REV3L: variants seen among roughly 807,000 people sequenced by gnomAD.
REV3L encodes REV3 like, DNA directed polymerase zeta catalytic subunit.
REV3L carries 69 observed loss-of-function variants against 299.4 expected under a neutral mutation model. The ratio of observed to expected loss-of-function variants is 0.23; its 90% CI spans 0.19 to 0.28. The LOEUF is 0.28. Ranked by LOEUF, REV3L falls within the 10% of genes least tolerant of loss-of-function variation. REV3L has a pLI of 1.00. For synonymous variants in REV3L, 1,238 were observed against 1,271.4 expected (o/e 0.97, Z 0.56); for missense variants, 3,128 against 3,693.8 (o/e 0.85, Z 3.97).
At chr6:111,304,625 T>C (rs1341107269) in intron 31 of REV3L, among the ~76,000 whole-genome samples, 1 of 151,852 alleles carries the variant, frequency 6.6e-6, no homozygotes, top group Non-Finnish European at 1.5e-5. Context: ...TTTTTTTTTT[T>C]TTTTCGATCC....
In REV3L at chr6:111,368,020, C is replaced by A; in HGVS notation, c.5768G>T (p.Gly1923Val). ...SDVPEKPREI[G>V]GRLLMVETRL... ...AGTTTCTACCATGAGGAGCCGTCCA[C>A]CAATCTCCCTATAATAACATATTTT... The change falls in exon 14 of 32, where the codon GGT (glycine) becomes GTT (valine). Residue 1923 changes from glycine (G) to valine (V), a missense_variant. By Grantham distance (109) the Gly-to-Val change is moderately radical. This residue lies in a region of REV3L where 2,409 missense variants were observed against 2,611.8 expected (regional missense o/e 0.92). Transcript: ENST00000368802. The A allele has an allele frequency of 6.2e-7, 1 of 1,602,068 alleles. No homozygotes were observed. The highest frequency in any genetic ancestry group is 8.5e-7 in the Non-Finnish European group (1 of 1,175,494).
intron 31 of REV3L, among the ~76,000 whole-genome samples, chr6:111,300,401 T>TTAAC (rs901508637): frequency 6.6e-6 from 1 of 152,204 alleles, no homozygotes; most frequent in African/African-American, 2.4e-5. Context: ...ATTCCTAAGA[T>TTAAC]TAACTTTCAT....
intron 19 of REV3L, among the ~76,000 whole-genome samples, 187 bp downstream of exon 19, chr6:111,351,489 G>A (rs1359521766): frequency 2.6e-5 from 4 of 152,178 alleles, no homozygotes; most frequent in Non-Finnish European, 5.9e-5. Flanking sequence ...ACATATAGCA[G>A]TGAGACTAGA....
At position 111,374,978 on chromosome 6, in the gene REV3L, G is replaced by A; in HGVS notation, c.3377C>T (p.Pro1126Leu). 1.2e-6 allele frequency: 2 copies of A among 1,612,562 alleles called. No homozygotes were observed. Among genetic ancestry groups the A allele is most frequent in the Non-Finnish European group, 1.7e-6 (2 of 1,179,506 alleles). ...RSTSPINSSP[P>L]RCWSPTDPRA... ...TGGATCTGTGGGAGACCAGCAGCGA[G>A]GTGGAGAAGAATTTATGGGACTTGT... The change falls in exon 13 of 32, where the codon CCT (proline) becomes CTT (leucine). Residue 1126 changes from proline to leucine, a missense_variant. Pro to Leu is a moderately conservative substitution (Grantham distance 98). Around this residue, in one of 9 missense-constraint regions of REV3L, gnomAD observed 2,409 missense variants for 2,611.8 expected, o/e 0.92. Transcript: ENST00000368802.
chr6:111,425,194 C>G (rs1207415853), intron 1 of REV3L, among the ~76,000 whole-genome samples: 1 of 152,178 alleles, frequency 6.6e-6, no homozygotes, highest in Non-Finnish European at 1.5e-5. Context: ...CGCGGTGGCT[C>G]ATGCCTGTAA....
intron 20 of REV3L, among the ~76,000 whole-genome samples, chr6:111,345,622 C>A (rs1029732076): frequency 2.6e-5 from 4 of 152,072 alleles, no homozygotes; most frequent in African/African-American, 9.7e-5. Flanking sequence ...TCATGCATCC[C>A]ATTCTCTGAC....
chr6:111,366,692 G>A (rs991362673), intron 14 of REV3L, among the ~76,000 whole-genome samples: 2 of 152,172 alleles, frequency 1.3e-5, no homozygotes, highest in African/African-American at 4.8e-5. Flanking sequence ...GCTGAGAAAT[G>A]AGTAGGAGGT....
chr6:111,311,274 G>C lies in REV3L; in HGVS notation c.8605-15C>G, dbSNP rs1032299205. On this transcript the variant is annotated splice_polypyrimidine_tract_variant and intron_variant, in intron 28 of 31. Coordinates refer to ENST00000368802, the MANE Select transcript of REV3L (RefSeq NM_001372078.1). The stretch of plus-strand genomic sequence containing the variant: ...CGCTCAAGTATCTTAAAACAAAAAA[G>C]ATATGCAAGTAAAGATAAAATATCT... 1 of 1,569,984 alleles carries C rather than the reference G, an allele frequency of 6.4e-7. No individual in the cohort carries two copies.
intron 20 of REV3L, among the ~76,000 whole-genome samples, chr6:111,344,744 A>G (rs746060224): frequency 5.3e-5 from 8 of 152,224 alleles, no homozygotes; most frequent in Admixed American, 1.3e-4. Flanking sequence ...TGCAAAATGG[A>G]AATTAAGGAA....
chr6:111,471,040 A>T (rs1481340254), intron 1 of REV3L, among the ~76,000 whole-genome samples: 1 of 152,118 alleles, frequency 6.6e-6, no homozygotes, highest in Non-Finnish European at 1.5e-5. Context: ...AAAACCTAGG[A>T]ATGTATGTAG....
chr6:111,332,389 T>C (rs906335718), intron 23 of REV3L, among the ~76,000 whole-genome samples: 1 of 152,184 alleles, frequency 6.6e-6, no homozygotes, highest in African/African-American at 2.4e-5. Flanking sequence ...TTATACTAAA[T>C]TACTTAAATA....
At chr6:111,407,657 G>C (rs556546195) in intron 3 of REV3L, among the ~76,000 whole-genome samples, 1 of 152,192 alleles carries the variant, frequency 6.6e-6, no homozygotes, top group Admixed American at 6.5e-5. Flanking sequence ...TGGGAAAGCC[G>C]AGCACAGTGG....
At chr6:111,320,422 C>T (rs1774024840) in intron 26 of REV3L, among the ~76,000 whole-genome samples, 1 of 152,074 alleles carries the variant, frequency 6.6e-6, no homozygotes, top group South Asian at 2.1e-4. Context: ...CAGTGTTTCT[C>T]AACCTTTTAT....
chr6:111,427,713 C>T (rs1482518002), intron 1 of REV3L, among the ~76,000 whole-genome samples: 1 of 152,190 alleles, frequency 6.6e-6, no homozygotes, highest in Non-Finnish European at 1.5e-5. Context: ...GGACAACTGG[C>T]TTCTCCACCA....
intron 31 of REV3L, among the ~76,000 whole-genome samples, chr6:111,306,945 C>A (rs537689601): frequency 6.6e-6 from 1 of 152,184 alleles, no homozygotes; most frequent in African/African-American, 2.4e-5. Context: ...ATTATACTTA[C>A]TGGTTGAGTA....
intron 9 of REV3L, 85 bp downstream of exon 9, chr6:111,387,680 C>A (rs1781482799): frequency 7.6e-7 from 1 of 1,324,214 alleles, no homozygotes; most frequent in African/African-American, 1.5e-5. Flanking sequence ...GGAAAAAAAT[C>A]CCTAGCAAAC....
chr6:111,308,884 T>C (rs1281960607), intron 30 of REV3L, among the ~76,000 whole-genome samples: 4 of 152,264 alleles, frequency 2.6e-5, no homozygotes, highest in East Asian at 3.8e-4. Flanking sequence ...CAGGAGAGCA[T>C]GGCATCTTTG....
At position 111,482,980 on chromosome 6, in the gene REV3L, C is replaced by T. The variant is rs1583168460; in HGVS notation, c.-92G>A. 2.2e-6 allele frequency: 3 copies of T among 1,381,432 alleles called. No homozygotes were observed. Among genetic ancestry groups the T allele is most frequent in the Non-Finnish European group, 9.4e-7 (1 of 1,063,764 alleles). The allele number at this position is 1,381,432 out of a possible 1,614,324, so 85.6% of individuals were successfully genotyped here. On this transcript the variant is annotated 5_prime_UTR_variant, in exon 1 of 32. Coordinates refer to ENST00000368802, the MANE Select transcript of REV3L (RefSeq NM_001372078.1). Reference sequence around the variant, plus strand: ...CTCCCTCCGCAGCGGCGGCGGCGCCCCCTCCCCTTCTCGGCACGGCCCCCT... The same window carrying T: ...CTCCCTCCGCAGCGGCGGCGGCGCCTCCTCCCCTTCTCGGCACGGCCCCCT...
At chr6:111,476,732 A>G (rs1310937637) in intron 1 of REV3L, among the ~76,000 whole-genome samples, 4 of 152,244 alleles carry the variant, frequency 2.6e-5, no homozygotes, top group African/African-American at 9.6e-5. Context: ...TAATACAACC[A>G]GAAATTACTG....
Sources: gnomAD v4.1 joint callset for allele counts (sites outside exome capture counted in the v4.1 genomes callset) on GRCh38, gnomAD v4.1.1 for gene constraint, gnomAD v4.1.1 regional missense constraint, MANE v1.5 for transcripts, NCBI Gene and HGNC (gene_info 2026-07-23, HGNC 2026-07-21) for gene names.